Variants in FOXP1 observed in about 807,000 individuals in gnomAD.
The protein encoded by FOXP1 is forkhead box P1.
Under a neutral mutation model 98.2 loss-of-function variants are expected in FOXP1, and 15 were observed. The observed-to-expected ratio is 0.15, with a 90% CI of 0.10 to 0.24. The LOEUF (loss-of-function observed/expected upper bound fraction) is 0.24. Ranked by LOEUF, FOXP1 falls within the 10% of genes least tolerant of loss-of-function variation. The probability of loss-of-function intolerance (pLI) is 1.00; values close to 1 mark genes in which losing one functional copy is unlikely to be tolerated. For synonymous variants in FOXP1, 371 were observed against 314.5 expected (o/e 1.18, Z -1.90); for missense variants, 633 against 848.5 (o/e 0.75, Z 3.15).
At chr3:71,441,492 G>A (rs1355371880) in intron 3 of FOXP1, among the ~76,000 whole-genome samples, 2 of 152,220 alleles carry the variant, frequency 1.3e-5, no homozygotes, top group Non-Finnish European at 2.9e-5. Flanking sequence ...ACCCATGCCT[G>A]TGAGCAGGCA....
intron 12 of FOXP1, among the ~76,000 whole-genome samples, chr3:71,002,347 A>G (rs1342052465): frequency 6.6e-6 from 1 of 152,208 alleles, no homozygotes; most frequent in South Asian, 2.1e-4. Context: ...CCCTCCAAAA[A>G]AGCAGTAAAG....
intron 4 of FOXP1, among the ~76,000 whole-genome samples, chr3:71,346,223 T>C (rs1427968819): frequency 2.0e-5 from 3 of 152,216 alleles, no homozygotes; most frequent in Admixed American, 2.0e-4. Context: ...ACTCACATAA[T>C]AGATCACTGT....
chr3:71,094,428 C>T (rs73119692), intron 7 of FOXP1, among the ~76,000 whole-genome samples: 27,849 of 151,758 alleles, frequency 0.18, 3,462 homozygotes, highest in East Asian at 0.49. Flanking sequence ...TACAGGCGCA[C>T]GCCACCATGC....
chr3:71,099,417 C>T (rs929282793), intron 7 of FOXP1, among the ~76,000 whole-genome samples: 4 of 152,082 alleles, frequency 2.6e-5, no homozygotes, highest in East Asian at 3.9e-4. Context: ...GAGGCTGAGG[C>T]GGGAGAATTG....
At chr3:71,470,775 A>C (rs889933615) in intron 3 of FOXP1, among the ~76,000 whole-genome samples, 20 of 152,202 alleles carry the variant, frequency 1.3e-4, no homozygotes, top group African/African-American at 4.1e-4. Context: ...AAAACACTGA[A>C]TATTGCAGAG....
At chr3:71,463,831 A>G (rs569419930) in intron 3 of FOXP1, among the ~76,000 whole-genome samples, 1 of 152,266 alleles carries the variant, frequency 6.6e-6, no homozygotes, top group East Asian at 1.9e-4. Context: ...CTGCAGAGGC[A>G]TATATTTTGT....
chr3:71,294,907 T>C (rs1196564369), intron 5 of FOXP1, among the ~76,000 whole-genome samples: 14 of 151,926 alleles, frequency 9.2e-5, no homozygotes, highest in Admixed American at 7.9e-4. Context: ...GCTTCAACCA[T>C]ATGATAAAGA....
chr3:70,973,190 T>C (rs1448806766), intron 17 of FOXP1, among the ~76,000 whole-genome samples: 1 of 152,116 alleles, frequency 6.6e-6, no homozygotes, highest in Non-Finnish European at 1.5e-5. Context: ...CCGTTGAGAG[T>C]ATCGCCTTGT....
At chr3:71,044,312 C>A (rs989058475) in intron 10 of FOXP1, among the ~76,000 whole-genome samples, 54 of 152,140 alleles carry the variant, frequency 3.5e-4, no homozygotes, top group African/African-American at 1.3e-3. Flanking sequence ...TAATTTTCTG[C>A]TACCTAGAGT....
chr3:71,339,157 T>G (rs2076864702), intron 4 of FOXP1, among the ~76,000 whole-genome samples: 1 of 152,244 alleles, frequency 6.6e-6, no homozygotes, highest in Admixed American at 6.5e-5. Flanking sequence ...TATTATGATG[T>G]CAAAAGGTAG....
At chr3:71,012,386 C>G (rs1262456681) in intron 12 of FOXP1, among the ~76,000 whole-genome samples, 1 of 152,088 alleles carries the variant, frequency 6.6e-6, no homozygotes, top group Non-Finnish European at 1.5e-5. Context: ...AAAACAAAAC[C>G]CAATATCACT....
At chr3:71,178,138 CTT>C (rs566282356) in intron 6 of FOXP1, among the ~76,000 whole-genome samples, 19 of 111,864 alleles carry the variant, frequency 1.7e-4, no homozygotes, top group Non-Finnish European at 2.0e-4. Context: ...CCCAGTCAGT[CTT>C]TTTTTTTTTT....
chr3:71,021,598 T>C (rs56407632), intron 11 of FOXP1, among the ~76,000 whole-genome samples: 27,228 of 152,160 alleles, frequency 0.18, 3,544 homozygotes, highest in African/African-American at 0.36. Flanking sequence ...ACGGTTGACA[T>C]TTGGAGGAAC....
At chr3:71,562,028 G>T (rs929425999) in intron 2 of FOXP1, among the ~76,000 whole-genome samples, 2 of 152,128 alleles carry the variant, frequency 1.3e-5, no homozygotes, top group Admixed American at 1.3e-4. Flanking sequence ...AAAGGAAAAA[G>T]GGCCAAGCAT....
intron 5 of FOXP1, among the ~76,000 whole-genome samples, chr3:71,271,327 A>C (rs746049956): frequency 3.3e-5 from 5 of 152,198 alleles, no homozygotes; most frequent in African/African-American, 7.2e-5. Context: ...AAAATTAACA[A>C]AGACTTCTTA....
At chr3:71,388,581 G>C (rs879491053) in intron 3 of FOXP1, among the ~76,000 whole-genome samples, 2 of 151,846 alleles carry the variant, frequency 1.3e-5, no homozygotes, top group South Asian at 4.1e-4. Flanking sequence ...TGACTATTAG[G>C]GCTTTTATTA....
chr3:71,123,637 C>T (rs2058943357), intron 6 of FOXP1, among the ~76,000 whole-genome samples: 2 of 152,204 alleles, frequency 1.3e-5, no homozygotes, highest in Admixed American at 1.3e-4. Context: ...GTATCTTACA[C>T]TTCACCTCCA....
chr3:71,432,454 G>A (rs2084806355), intron 3 of FOXP1, among the ~76,000 whole-genome samples: 2 of 152,054 alleles, frequency 1.3e-5, no homozygotes, highest in African/African-American at 4.8e-5. Context: ...CCCGGGCCCT[G>A]GCCCAATGAC....
chr3:70,987,171 T>C (rs1411616590), intron 14 of FOXP1, among the ~76,000 whole-genome samples: 1 of 152,222 alleles, frequency 6.6e-6, no homozygotes, highest in Non-Finnish European at 1.5e-5. Flanking sequence ...AGCAAAGCAC[T>C]GTCTCCATTT....
Sources: gnomAD v4.1 joint callset for allele counts (sites outside exome capture counted in the v4.1 genomes callset) on GRCh38, gnomAD v4.1.1 for gene constraint, MANE v1.5 for transcripts, NCBI Gene and HGNC (gene_info 2026-07-23, HGNC 2026-07-21) for gene names.